Variants in FAM163A observed in about 807,000 individuals in gnomAD.
FAM163A encodes the protein family with sequence similarity 163 member A.
A neutral mutation model predicts 12.0 loss-of-function variants in FAM163A; 7 were observed. That is an observed-to-expected ratio of 0.58 (90% CI 0.33 to 1.10). The LOEUF is 1.10. FAM163A is among the 50% of genes least tolerant of loss of function. The probability of loss-of-function intolerance (pLI) is 0.03; values close to 1 mark genes in which losing one functional copy is unlikely to be tolerated. For missense variants in FAM163A, 202 were observed against 218.6 expected, an observed-to-expected ratio of 0.92 and a Z score of 0.48; for synonymous variants, 101 against 91.0, an observed-to-expected ratio of 1.11 and a Z score of -0.62.
chr1:179,738,966 T>C (rs977192884), upstream of FAM163A, among the ~76,000 whole-genome samples: 1 of 152,146 alleles, frequency 6.6e-6, no homozygotes, highest in African/African-American at 2.4e-5. Flanking sequence ...GGTGGAGGGA[T>C]AGACACATAG....
At chr1:179,732,880 CAAAAA>C in the FAM163A span, among the ~76,000 whole-genome samples, 7 of 39,148 alleles carry the variant, frequency 1.8e-4, no homozygotes, top group East Asian at 4.0e-3. Flanking sequence ...GACTCTGCCT[CAAAAA>C]AAAAAAAAAA....
intron 1 of FAM163A, among the ~76,000 whole-genome samples, chr1:179,754,041 A>T (rs1685667472): frequency 6.6e-6 from 1 of 152,202 alleles, no homozygotes; most frequent in South Asian, 2.1e-4. Flanking sequence ...AATATTCACC[A>T]ATTCTCCCAG....
At chr1:179,780,007 G>C (rs1689501595) in intron 1 of FAM163A, among the ~76,000 whole-genome samples, 1 of 152,200 alleles carries the variant, frequency 6.6e-6, no homozygotes. Context: ...CACAAAGATT[G>C]CATGCTCTGA....
the FAM163A span, among the ~76,000 whole-genome samples, chr1:179,736,213 C>T: frequency 3.3e-5 from 5 of 151,432 alleles, no homozygotes; most frequent in African/African-American, 7.3e-5. Context: ...TTCTACACAG[C>T]GAAGAAAACA....
At chr1:179,738,604 A>G (rs1390831559), upstream of FAM163A, among the ~76,000 whole-genome samples, 1 of 152,208 alleles carries the variant, frequency 6.6e-6, no homozygotes, top group Non-Finnish European at 1.5e-5. Flanking sequence ...AGGCTAAAAA[A>G]AGAAAAAATC....
chr1:179,786,081 A>G (rs904669658), intron 1 of FAM163A, among the ~76,000 whole-genome samples: 1 of 152,058 alleles, frequency 6.6e-6, no homozygotes, highest in Non-Finnish European at 1.5e-5. Flanking sequence ...CCATTTCCCC[A>G]CTCCCTTGCC....
At chr1:179,769,984 C>A (rs1471723087) in intron 1 of FAM163A, among the ~76,000 whole-genome samples, 1 of 144,286 alleles carries the variant, frequency 6.9e-6, no homozygotes, top group Non-Finnish European at 1.5e-5. Flanking sequence ...CGGCTCACTG[C>A]AAGCTCCGCC....
intron 3 of FAM163A, among the ~76,000 whole-genome samples, chr1:179,812,618 T>G (rs1325120323): frequency 6.6e-6 from 1 of 152,106 alleles, no homozygotes; most frequent in Non-Finnish European, 1.5e-5. Flanking sequence ...GCAGCCAAAT[T>G]ATTCGCAGCC....
intron 1 of FAM163A, among the ~76,000 whole-genome samples, chr1:179,782,455 T>G (rs1406245199): frequency 1.3e-5 from 2 of 151,930 alleles, no homozygotes; most frequent in African/African-American, 2.4e-5. Flanking sequence ...TCTTCTCATT[T>G]GGCGGGCGGG....
chr1:179,754,417 A>G (rs1685718956), intron 1 of FAM163A, among the ~76,000 whole-genome samples: 1 of 152,084 alleles, frequency 6.6e-6, no homozygotes, highest in Admixed American at 6.5e-5. Context: ...ATGAAGAGGA[A>G]TGGTTCCAGC....
chr1:179,737,036 A>G, the FAM163A span, among the ~76,000 whole-genome samples: 1 of 152,314 alleles, frequency 6.6e-6, no homozygotes, highest in East Asian at 1.9e-4. Flanking sequence ...AAAAATCAGT[A>G]TCTCAAAGAG....
rs78009734 is a variant in FAM163A, at chr1:179,760,699, G to A, written c.-136+17276G>A. 1.7e-3 allele frequency among the ~76,000 whole-genome samples: 264 copies of A among 152,312 alleles called. 1 individual carries two copies. The highest frequency in any genetic ancestry group is 5.9e-3 in the African/African-American group (247 of 41,548). ...AGGCTCCAGGAACAGCTGATGAAGT[G>A]GCAAAGGCAGGAGCAGAGGGGAAGT... On this transcript the variant is annotated intron_variant, in intron 1 of 4. Coordinates refer to ENST00000341785, the MANE Select transcript of FAM163A (RefSeq NM_173509.3).
upstream of FAM163A, among the ~76,000 whole-genome samples, chr1:179,740,731 G>C (rs538716226): frequency 6.6e-6 from 1 of 152,200 alleles, no homozygotes; most frequent in Non-Finnish European, 1.5e-5. Context: ...CAAGAGATTA[G>C]AGATGGGGAA....
At chr1:179,784,631 A>G (rs1000997896) in intron 1 of FAM163A, among the ~76,000 whole-genome samples, 3 of 152,212 alleles carry the variant, frequency 2.0e-5, no homozygotes, top group Non-Finnish European at 2.9e-5. Context: ...TGAGGGGCTT[A>G]TCTTGAGAAA....
intron 4 of FAM163A, 145 bp from the exon 5 acceptor site, chr1:179,813,634 A>C: frequency 1.1e-6 from 1 of 880,916 alleles, no homozygotes; most frequent in South Asian, 1.7e-5. Context: ...TGGGATTAGA[A>C]ACTTGTGGAG....
chr1:179,804,597 A>G (rs1693656680), intron 1 of FAM163A, among the ~76,000 whole-genome samples: 1 of 152,274 alleles, frequency 6.6e-6, no homozygotes, highest in Non-Finnish European at 1.5e-5. Context: ...AATGTGGTAC[A>G]TATACACCAT....
At chr1:179,736,544 T>C in the FAM163A span, among the ~76,000 whole-genome samples, 3 of 152,166 alleles carry the variant, frequency 2.0e-5, no homozygotes, top group Admixed American at 6.5e-5. Flanking sequence ...GCATGGTGGC[T>C]TACTCCTGTA....
intron 2 of FAM163A, among the ~76,000 whole-genome samples, chr1:179,808,819 C>T (rs1694305023): frequency 6.6e-6 from 1 of 152,166 alleles, no homozygotes; most frequent in South Asian, 2.1e-4. Flanking sequence ...ACTTTGTAAA[C>T]TGTAGGCTGC....
intron 1 of FAM163A, among the ~76,000 whole-genome samples, chr1:179,774,097 G>A (rs1350461247): frequency 6.6e-6 from 1 of 152,244 alleles, no homozygotes; most frequent in Non-Finnish European, 1.5e-5. Flanking sequence ...GCATCAGCCA[G>A]CACCAGCTGC....
Sources: allele counts gnomAD v4.1 joint callset (sites outside exome capture counted in the v4.1 genomes callset), GRCh38; gene constraint gnomAD v4.1.1; transcripts MANE v1.5; gene names NCBI Gene and HGNC (gene_info 2026-07-23, HGNC 2026-07-21).